PCDH9: variants seen among roughly 807,000 people sequenced by gnomAD.
The protein encoded by PCDH9 is protocadherin-9.
Under a neutral mutation model 70.6 loss-of-function variants are expected in PCDH9, and 24 were observed. The ratio of observed to expected loss-of-function variants is 0.34; its 90% CI spans 0.25 to 0.48. The LOEUF is 0.48. PCDH9 is among the 20% of genes least tolerant of loss of function. The probability of loss-of-function intolerance (pLI) is 0.99; values close to 1 mark genes in which losing one functional copy is unlikely to be tolerated. For missense variants in PCDH9, 1,281 were observed against 1,503.6 expected (o/e 0.85, Z 2.45); for synonymous variants, 562 against 558.5 (o/e 1.01, Z -0.09).
chr13:66,605,187 T>C (rs1350482665), intron 4 of PCDH9, among the ~76,000 whole-genome samples: 2 of 152,072 alleles, frequency 1.3e-5, no homozygotes, highest in Admixed American at 1.3e-4. Flanking sequence ...GGTAGATTCT[T>C]TTGTAATAGT....
rs1452691578 is a variant in PCDH9 at position 67,167,300 on chromosome 13, G to A, written c.3036+58105C>T. 6.6e-5 allele frequency among the ~76,000 whole-genome samples: 10 copies of A among 152,062 alleles called. No individual in the cohort carries two copies. In the East Asian group the frequency reaches 1.9e-3, roughly 29 times the overall value. ...TCTCAGCAAATTACTTAAGTTCTTT[G>A]GGGTTCTGTTTCCCCTAATTTAAAA... On this transcript the variant is annotated intron_variant, in intron 2 of 4. Transcript: ENST00000377865.
chr13:66,626,531 G>A (rs1047131635), intron 4 of PCDH9, among the ~76,000 whole-genome samples: 3 of 152,114 alleles, frequency 2.0e-5, no homozygotes, highest in Admixed American at 1.3e-4. Flanking sequence ...GCAGACCAAT[G>A]ACCCAGGGTT....
intron 3 of PCDH9, among the ~76,000 whole-genome samples, chr13:66,711,369 T>C (rs1351028064): frequency 6.7e-6 from 1 of 150,028 alleles, no homozygotes; most frequent in Non-Finnish European, 1.5e-5. Context: ...GGGATCTATA[T>C]GTATTGACGA....
At chr13:66,871,026 G>A (rs2081668739) in intron 3 of PCDH9, among the ~76,000 whole-genome samples, 1 of 152,078 alleles carries the variant, frequency 6.6e-6, no homozygotes, top group African/African-American at 2.4e-5. Flanking sequence ...AAGAAAATGT[G>A]GCACATATAC....
chr13:67,173,297 T>C (rs2088348545), intron 2 of PCDH9, among the ~76,000 whole-genome samples: 1 of 152,068 alleles, frequency 6.6e-6, no homozygotes, highest in African/African-American at 2.4e-5. Context: ...AAGAAGAGAG[T>C]GGGGAAATCT....
intron 3 of PCDH9, among the ~76,000 whole-genome samples, chr13:66,719,552 C>T (rs941106529): frequency 1.3e-5 from 2 of 152,246 alleles, no homozygotes; most frequent in South Asian, 2.1e-4. Context: ...CTTAGACTTC[C>T]TGTCTGCAGA....
At chr13:66,312,610 CAAA>C (rs11352387) in intron 4 of PCDH9, among the ~76,000 whole-genome samples, 10 of 137,462 alleles carry the variant, frequency 7.3e-5, no homozygotes, top group Non-Finnish European at 8.0e-5. Context: ...GATCCTGCCT[CAAA>C]AAAAAAAAAA....
chr13:66,329,834 A>G (rs1227168293), intron 4 of PCDH9, among the ~76,000 whole-genome samples: 1 of 152,216 alleles, frequency 6.6e-6, no homozygotes, highest in Non-Finnish European at 1.5e-5. Flanking sequence ...ATAGCACTAT[A>G]TATATGAATT....
chr13:66,881,202 T>C (rs559466021), intron 3 of PCDH9, among the ~76,000 whole-genome samples: 29 of 152,168 alleles, frequency 1.9e-4, no homozygotes, highest in African/African-American at 6.5e-4. Context: ...GTTAGGGAAG[T>C]GTTTTATATT....
At chr13:66,332,141 C>T (rs1337295447) in intron 4 of PCDH9, among the ~76,000 whole-genome samples, 6 of 152,058 alleles carry the variant, frequency 3.9e-5, no homozygotes, top group East Asian at 1.9e-4. Context: ...AGGCTCTCCA[C>T]GCTCCTTGGC....
At chr13:67,127,676 A>ATATATG (rs1555310054) in intron 2 of PCDH9, among the ~76,000 whole-genome samples, 2 of 145,490 alleles carry the variant, frequency 1.4e-5, no homozygotes, top group African/African-American at 2.6e-5. Context: ...ATATATATAT[A>ATATATG]TGTGTGTGTG....
chr13:66,627,917 G>T (rs964739134), intron 4 of PCDH9, among the ~76,000 whole-genome samples: 1 of 152,176 alleles, frequency 6.6e-6, no homozygotes, highest in Non-Finnish European at 1.5e-5. Context: ...TGCCTAGGTC[G>T]AAGTCACTGG....
intron 2 of PCDH9, among the ~76,000 whole-genome samples, chr13:66,943,028 C>T (rs1226590020): frequency 1.3e-5 from 2 of 151,972 alleles, no homozygotes; most frequent in Admixed American, 6.6e-5. Flanking sequence ...ATTTGATACC[C>T]TAATTTGAGG....
At chr13:66,933,825 A>G (rs2082857142) in intron 2 of PCDH9, among the ~76,000 whole-genome samples, 1 of 151,866 alleles carries the variant, frequency 6.6e-6, no homozygotes, top group Non-Finnish European at 1.5e-5. Flanking sequence ...TAAACAGTTC[A>G]AAACATGACA....
intron 4 of PCDH9, among the ~76,000 whole-genome samples, chr13:66,532,528 T>C (rs1446549081): frequency 3.9e-5 from 6 of 152,072 alleles, no homozygotes; most frequent in African/African-American, 1.4e-4. Context: ...TCAAAATACA[T>C]ATTTGATTAA....
At chr13:66,369,572 T>C (rs1404229652) in intron 4 of PCDH9, among the ~76,000 whole-genome samples, 2 of 152,272 alleles carry the variant, frequency 1.3e-5, no homozygotes, top group South Asian at 2.1e-4. Flanking sequence ...TCAGCAAGTA[T>C]ACTACTACTT....
chr13:66,674,530 A>G (rs186400931), intron 3 of PCDH9, among the ~76,000 whole-genome samples: 1 of 152,262 alleles, frequency 6.6e-6, no homozygotes, highest in Non-Finnish European at 1.5e-5. Flanking sequence ...TTCTGGAATT[A>G]TATAGCCTAC....
intron 2 of PCDH9, among the ~76,000 whole-genome samples, chr13:67,195,930 A>G (rs888821562): frequency 1.3e-5 from 2 of 152,178 alleles, no homozygotes; most frequent in Non-Finnish European, 2.9e-5. Context: ...TGATATGTTT[A>G]CTAAACATTA....
At chr13:66,737,930 C>T (rs1247316020) in intron 3 of PCDH9, among the ~76,000 whole-genome samples, 1 of 152,086 alleles carries the variant, frequency 6.6e-6, no homozygotes, top group Non-Finnish European at 1.5e-5. Context: ...GGGGCGCCCG[C>T]CATTGCCCAG....
Sources: allele counts gnomAD v4.1 joint callset (sites outside exome capture counted in the v4.1 genomes callset), GRCh38; gene constraint gnomAD v4.1.1; transcripts MANE v1.5; gene names NCBI Gene and HGNC (gene_info 2026-07-23, HGNC 2026-07-21).